SMARCA2: variants seen among roughly 807,000 people sequenced by gnomAD.
The protein encoded by SMARCA2 is SWI/SNF-related matrix-associated actin-dependent regulator of chromatin subfamily A member 2.
SMARCA2 carries 61 observed loss-of-function variants against 199.8 expected under a neutral mutation model. That is an observed-to-expected ratio of 0.31 (90% CI 0.25 to 0.38). The LOEUF (loss-of-function observed/expected upper bound fraction) is 0.38, where lower values mean the gene tolerates loss of function less well. SMARCA2 is among the 10% of genes least tolerant of loss of function. The pLI is 1.00. For synonymous variants in SMARCA2, 935 were observed against 732.0 expected (o/e 1.28, Z -4.48); for missense variants, 1,344 against 2,012.2 (o/e 0.67, Z 6.35).
Position 2,181,806 on chromosome 9 carries a change from T to C in SMARCA2, c.4359+130T>C, listed in dbSNP as rs1330472046. The C allele has an allele frequency of 6.3e-6, 4 of 637,614 alleles. No individual in the cohort carries two copies. In the East Asian group the frequency reaches 1.1e-4, roughly 17 times the overall value. 39.5% of individuals were successfully genotyped at this position (637,614 alleles called of 1,614,324 possible). On this transcript the variant is annotated intron_variant, in intron 30 of 33. Coordinates refer to ENST00000349721, the MANE Select transcript of SMARCA2 (RefSeq NM_003070.5). ...GGGCTCGCGACAGGAAAGGTTGGGA[T>C]GTCCTTGTGCTTTTCCGTGAGTGTT...
At chr9:2,164,630 T>C (rs956427395) in intron 28 of SMARCA2, among the ~76,000 whole-genome samples, 1 of 152,246 alleles carries the variant, frequency 6.6e-6, no homozygotes, top group African/African-American at 2.4e-5. Flanking sequence ...GTGTCCTTGC[T>C]GATGCTGATT....
intron 27 of SMARCA2, among the ~76,000 whole-genome samples, chr9:2,150,415 G>A (rs997813219): frequency 6.6e-6 from 1 of 151,628 alleles, no homozygotes; most frequent in Non-Finnish European, 1.5e-5. Flanking sequence ...GAGAACAGGG[G>A]ACCATTCCCA....
At chr9:2,069,361 C>G (rs927030057) in intron 9 of SMARCA2, among the ~76,000 whole-genome samples, 2 of 151,276 alleles carry the variant, frequency 1.3e-5, no homozygotes, top group African/African-American at 2.4e-5. Context: ...TTGAGACCAT[C>G]GTGGCTAACA....
At chr9:2,126,877 T>A (rs1298913962) in intron 27 of SMARCA2, among the ~76,000 whole-genome samples, 1 of 152,244 alleles carries the variant, frequency 6.6e-6, no homozygotes, top group Non-Finnish European at 1.5e-5. Flanking sequence ...CAGCTCTGAT[T>A]AATAGTTCTT....
chr9:2,082,921 A>G (rs1037801671), intron 15 of SMARCA2, among the ~76,000 whole-genome samples: 2 of 152,044 alleles, frequency 1.3e-5, no homozygotes, highest in Non-Finnish European at 2.9e-5. Flanking sequence ...GTCATTCAAT[A>G]TTTCTTCCCC....
At chr9:2,028,414 A>G (rs200298970) in intron 1 of SMARCA2, among the ~76,000 whole-genome samples, 4 of 152,212 alleles carry the variant, frequency 2.6e-5, no homozygotes, top group Non-Finnish European at 4.4e-5. Context: ...TACATATATG[A>G]GTATTTGAAC....
intron 27 of SMARCA2, among the ~76,000 whole-genome samples, chr9:2,128,980 G>A (rs1222298433): frequency 6.6e-6 from 1 of 152,156 alleles, no homozygotes; most frequent in Non-Finnish European, 1.5e-5. Flanking sequence ...CACACTTTGG[G>A]GGTCCCGAGG....
intron 3 of SMARCA2, among the ~76,000 whole-genome samples, chr9:2,034,792 C>A (rs1819249782): frequency 6.6e-6 from 1 of 152,142 alleles, no homozygotes; most frequent in South Asian, 2.1e-4. Flanking sequence ...ATCCCAGACT[C>A]TTATCTGAAT....
At chr9:2,152,690 A>G (rs778248934) in intron 27 of SMARCA2, among the ~76,000 whole-genome samples, 2 of 151,848 alleles carry the variant, frequency 1.3e-5, no homozygotes, top group Non-Finnish European at 2.9e-5. Context: ...CATCTCTACT[A>G]AAAATATAAA....
At chr9:2,145,835 A>G (rs959797666) in intron 27 of SMARCA2, among the ~76,000 whole-genome samples, 3 of 148,502 alleles carry the variant, frequency 2.0e-5, no homozygotes, top group African/African-American at 7.9e-5. Flanking sequence ...TTGTAAGAAG[A>G]AAAAATCAAG....
chr9:2,146,668 G>A (rs1824765829), intron 27 of SMARCA2, among the ~76,000 whole-genome samples: 1 of 152,210 alleles, frequency 6.6e-6, no homozygotes, highest in South Asian at 2.1e-4. Context: ...AGCTTCGAGG[G>A]CTGCTGCTTG....
intron 16 of SMARCA2, among the ~76,000 whole-genome samples, chr9:2,083,672 T>A (rs188734607): frequency 6.6e-6 from 1 of 152,216 alleles, no homozygotes; most frequent in East Asian, 1.9e-4. Flanking sequence ...ATGACAAATA[T>A]CACACATTCT....
At chr9:2,132,981 A>G (rs925698558) in intron 27 of SMARCA2, among the ~76,000 whole-genome samples, 1 of 152,258 alleles carries the variant, frequency 6.6e-6, no homozygotes, top group Admixed American at 6.5e-5. Flanking sequence ...ATATACTAAA[A>G]TAAATAATAA....
At chr9:2,192,398 A>G (rs1157842153) in intron 33 of SMARCA2, 6 of 337,914 alleles carry the variant, frequency 1.8e-5, no homozygotes, top group Non-Finnish European at 3.2e-5. Flanking sequence ...TCTCCCATGA[A>G]TTTTCTAAAA....
chr9:2,176,638 G>GC (rs2129808015), intron 29 of SMARCA2, among the ~76,000 whole-genome samples: 1 of 152,120 alleles, frequency 6.6e-6, no homozygotes, highest in East Asian at 1.9e-4. Context: ...TGCGACCTCT[G>GC]CCTCCTGGGC....
intron 22 of SMARCA2, 132 bp from the exon 23 acceptor site, chr9:2,103,871 T>G (rs1822639259): frequency 1.5e-6 from 1 of 673,400 alleles, no homozygotes; most frequent in African/African-American, 1.8e-5. Context: ...ATTCATTCAT[T>G]CATTCATTTC....
chr9:2,134,485 G>A (rs974800270), intron 27 of SMARCA2, among the ~76,000 whole-genome samples: 3 of 152,034 alleles, frequency 2.0e-5, no homozygotes, highest in South Asian at 2.1e-4. Context: ...CTACCTAGCC[G>A]CCTGCCAACC....
At chr9:2,150,316 G>C (rs1824996916) in intron 27 of SMARCA2, among the ~76,000 whole-genome samples, 1 of 151,596 alleles carries the variant, frequency 6.6e-6, no homozygotes, top group South Asian at 2.1e-4. Context: ...TAATAGAAGT[G>C]AACTGACTGG....
chr9:2,087,230 G>A, intron 18 of SMARCA2, 159 bp downstream of exon 18: 2 of 836,176 alleles, frequency 2.4e-6, no homozygotes, highest in African/African-American at 1.7e-5. Flanking sequence ...CTTGTGGTGG[G>A]GTTATTTTCC....
Sources: allele counts gnomAD v4.1 joint callset (sites outside exome capture counted in the v4.1 genomes callset), GRCh38; gene constraint gnomAD v4.1.1; transcripts MANE v1.5; gene names NCBI Gene and HGNC (gene_info 2026-07-23, HGNC 2026-07-21).